The following SEC23B variants were observed in gnomAD, a reference collection of about 807,000 sequenced individuals.
SEC23B encodes SEC23 homolog B, COPII component.
SEC23B carries 77 observed loss-of-function variants against 104.3 expected under a neutral mutation model. The ratio of observed to expected loss-of-function variants is 0.74; its 90% confidence interval spans 0.61 to 0.89. The LOEUF (loss-of-function observed/expected upper bound fraction) is 0.89, where lower values mean the gene tolerates loss of function less well. SEC23B is among the 40% of genes least tolerant of loss of function. The pLI, the probability that SEC23B is intolerant of heterozygous loss-of-function variation, is 0.00. For missense variants in SEC23B, 885 were observed against 949.4 expected (o/e 0.93, Z 0.89); for synonymous variants, 338 against 332.5 (o/e 1.02, Z -0.18).
At chr20:18,560,573 G>A (rs1399702472) in intron 19 of SEC23B, 78 bp from the exon 20 acceptor site, 1 of 1,097,250 alleles carries the variant, frequency 9.1e-7, no homozygotes, top group Non-Finnish European at 1.4e-6. Context: ...AATGTTCTGA[G>A]GGAAGGTGCT....
chr20:18,516,695 G>A (rs2060031438), intron 4 of SEC23B, among the ~76,000 whole-genome samples: 2 of 151,918 alleles, frequency 1.3e-5, no homozygotes, highest in Non-Finnish European at 1.5e-5. Flanking sequence ...GGGATTACAG[G>A]CGCCTGCCAC....
At chr20:18,557,744 TC>T (rs2060453158) in intron 19 of SEC23B, among the ~76,000 whole-genome samples, 2 of 77,008 alleles carry the variant, frequency 2.6e-5, no homozygotes, top group Admixed American at 1.4e-4. Flanking sequence ...TTTTTTCTTT[TC>T]TTTTTTTTTT....
At chr20:18,543,346 CAG>C (rs1433230560) in intron 14 of SEC23B, among the ~76,000 whole-genome samples, 174 bp downstream of exon 14, 3 of 152,204 alleles carry the variant, frequency 2.0e-5, no homozygotes, top group African/African-American at 7.2e-5. Flanking sequence ...ATTTTCCCCT[CAG>C]AGATTTACAT....
At chr20:18,535,807 A>G in intron 12 of SEC23B, 65 bp downstream of exon 12, 1 of 1,264,916 alleles carries the variant, frequency 7.9e-7, no homozygotes. Context: ...ATCTCAAACC[A>G]GTGGTCTCTG....
intron 1 of SEC23B, chr20:18,508,174 G>T (rs1242924295): frequency 1.3e-5 from 2 of 152,272 alleles, no homozygotes; most frequent in Non-Finnish European, 2.9e-5. Flanking sequence ...TCTGGCTCCA[G>T]TTTCCCCAGA....
chr20:18,514,658 CAG>C (rs781579491), intron 3 of SEC23B, among the ~76,000 whole-genome samples: 14 of 152,272 alleles, frequency 9.2e-5, no homozygotes, highest in Non-Finnish European at 1.6e-4. Context: ...AAAACATTTG[CAG>C]AGAGTTTTAA....
At chr20:18,550,112 ATAAAT>A (rs1466317955) in intron 16 of SEC23B, among the ~76,000 whole-genome samples, 2 of 148,324 alleles carry the variant, frequency 1.3e-5, no homozygotes, top group Non-Finnish European at 3.0e-5. Flanking sequence ...ATATATAAAT[ATAAAT>A]TATATACTTA....
rs149440013 is a variant in SEC23B, at chr20:18,555,337, T to C, written c.2214+164T>C. Among the ~76,000 whole-genome samples the C allele has an allele frequency of 2.6e-3, 396 of 152,162 alleles. 1 individual carries two copies. Among genetic ancestry groups the C allele is most frequent in the African/African-American group, 9.2e-3 (381 of 41,522 alleles). On this transcript the variant is annotated intron_variant, in intron 19 of 19. Transcript: ENST00000650089. ...GGGAGGGAAACAAGTTGAATAACAT[T>C]ACTGGGCCGGAGGTTGAGGGGGCTC...
In SEC23B at chr20:18,526,391, G is replaced by A. The variant is rs773061065; in HGVS notation, c.853G>A (p.Gly285Arg). The A allele has an allele frequency of 1.2e-6, 2 of 1,614,134 alleles. No individual in the cohort carries two copies. The highest frequency in any genetic ancestry group is 3.3e-5 in the Admixed American group (2 of 60,020). The change falls in exon 8 of 20, where the codon GGA becomes AGA. Residue 285 changes from glycine (G) to arginine (R), a missense_variant. By Grantham distance (125) the Gly-to-Arg change is moderately radical (BLOSUM62 -2). Coordinates refer to ENST00000650089, the MANE Select transcript of SEC23B (RefSeq NM_006363.6). ...ATTTTAGGGCACTTTTCCAAACACA[G>A]GAGCCAGGATCATGCTGTTTACTGG... ...GLLEGTFPNT[G>R]ARIMLFTGGP...
intron 12 of SEC23B, among the ~76,000 whole-genome samples, chr20:18,539,846 T>C (rs2148913603): frequency 6.6e-6 from 1 of 151,988 alleles, no homozygotes; most frequent in East Asian, 2.0e-4. Flanking sequence ...GGTTTCACCG[T>C]GTTGTCCTGG....
intron 4 of SEC23B, among the ~76,000 whole-genome samples, chr20:18,521,703 G>C (rs940592429): frequency 2.6e-5 from 4 of 152,056 alleles, no homozygotes; most frequent in Non-Finnish European, 5.9e-5. Flanking sequence ...AACCTGGGGA[G>C]AAGGGGAGAG....
intron 4 of SEC23B, 41 bp downstream of exon 4, chr20:18,515,777 C>T (rs755433481): frequency 4.2e-6 from 5 of 1,197,134 alleles, no homozygotes; most frequent in Non-Finnish European, 5.0e-6. Context: ...ATGTTAAATA[C>T]TGAATTTCTC....
At chr20:18,548,530 CCT>C in intron 15 of SEC23B, 77 bp from the exon 16 acceptor site, 1 of 1,417,942 alleles carries the variant, frequency 7.1e-7, no homozygotes, top group South Asian at 1.2e-5. Flanking sequence ...ATTTCAGAGC[CCT>C]GAGGTAGATC....
At chr20:18,520,265 A>G (rs1285483615) in intron 4 of SEC23B, among the ~76,000 whole-genome samples, 1 of 152,196 alleles carries the variant, frequency 6.6e-6, no homozygotes, top group Non-Finnish European at 1.5e-5. Flanking sequence ...GAGAGTTTAT[A>G]GGCTTTAAAA....
At chr20:18,536,621 G>A (rs1214573910) in intron 12 of SEC23B, among the ~76,000 whole-genome samples, 1 of 151,950 alleles carries the variant, frequency 6.6e-6, no homozygotes, top group Non-Finnish European at 1.5e-5. Context: ...GAACCCAGGA[G>A]GCAGAGCTTG....
chr20:18,525,788 A>G lies in SEC23B; in HGVS notation c.690A>G (p.Arg230=). ...TGATGTGTCTGTTAAAATCTTGCAGATTTCTGCAGCCTGTTCACAAGATTG... is the reference window on the plus strand; with the variant it reads ...TGATGTGTCTGTTAAAATCTTGCAGGTTTCTGCAGCCTGTTCACAAGATTG... ...QPQEHPFASS[R]FLQPVHKIDM... The change falls in exon 7 of 20, where the codon AGA becomes AGG. Residue 230 remains arginine (R), a splice_region_variant and synonymous_variant. Coordinates refer to ENST00000650089, the MANE Select transcript of SEC23B (RefSeq NM_006363.6). The G allele has an allele frequency of 6.2e-7, 1 of 1,614,156 alleles. No homozygotes were observed. Among genetic ancestry groups the G allele is most frequent in the South Asian group, 1.1e-5 (1 of 91,086 alleles).
chr20:18,513,973 A>G (rs1033091669), intron 3 of SEC23B, among the ~76,000 whole-genome samples: 26 of 152,210 alleles, frequency 1.7e-4, no homozygotes, highest in East Asian at 1.9e-4. Context: ...TAGTATACCT[A>G]TAGTCACTTC....
Position 18,551,091 on chromosome 20 carries a change from A to G in SEC23B, c.1908A>G (p.Pro636=). ...TCTTTCTCTCTCTTTTTCTTCAGCC[A>G]GTACTCTTGGATAGCAGCAGCATTC... The part of the protein sequence containing the change: ...YSYSFHGPPE[P]VLLDSSSILA... Residue 636 remains proline, a splice_region_variant and synonymous_variant, in exon 17 of 20, where the codon CCA becomes CCG. Coordinates refer to ENST00000650089, the MANE Select transcript of SEC23B (RefSeq NM_006363.6). 1 of 1,600,164 alleles carries G rather than the reference A, an allele frequency of 6.2e-7. No homozygotes were observed. Among genetic ancestry groups the G allele is most frequent in the Non-Finnish European group, 8.5e-7 (1 of 1,172,488 alleles).
chr20:18,560,106 G>GTA (rs72091020), intron 19 of SEC23B, among the ~76,000 whole-genome samples: 1 of 151,192 alleles, frequency 6.6e-6, no homozygotes. Flanking sequence ...TTGTGTGTGT[G>GTA]TGTATATATA....
Sources: allele counts gnomAD v4.1 joint callset (sites outside exome capture counted in the v4.1 genomes callset), GRCh38; gene constraint gnomAD v4.1.1; transcripts MANE v1.5; gene names NCBI Gene and HGNC (gene_info 2026-07-23, HGNC 2026-07-21).